PRKAR2A: variants seen among roughly 807,000 people sequenced by gnomAD.
The protein encoded by PRKAR2A is protein kinase cAMP-dependent type II regulatory subunit alpha, also known as cAMP-dependent protein kinase type II-alpha regulatory subunit.
PRKAR2A carries 29 observed loss-of-function variants against 51.9 expected under a neutral mutation model. That is an observed-to-expected ratio of 0.56 (90% CI 0.42 to 0.76). The LOEUF (loss-of-function observed/expected upper bound fraction) is 0.76, where lower values mean the gene tolerates loss of function less well. Among genes scored for constraint, PRKAR2A ranks in the 30% least tolerant of loss-of-function variants. PRKAR2A has a pLI of 0.00. For synonymous variants in PRKAR2A, 178 were observed against 186.2 expected (o/e 0.96, Z 0.36); for missense variants, 445 against 512.1 (o/e 0.87, Z 1.26).
intron 1 of PRKAR2A, among the ~76,000 whole-genome samples, chr3:48,833,952 G>A (rs1323462598): frequency 2.0e-5 from 3 of 149,920 alleles, no homozygotes; most frequent in South Asian, 2.1e-4. Context: ...CAGCAGAATC[G>A]CTTGAACCCG....
At chr3:48,845,058 A>G (rs1035097919) in intron 1 of PRKAR2A, among the ~76,000 whole-genome samples, 4 of 152,196 alleles carry the variant, frequency 2.6e-5, no homozygotes, top group Admixed American at 2.0e-4. Context: ...GTAAATAAAA[A>G]TTGTCTCAAA....
chr3:48,780,834 G>C (rs1270279101), intron 5 of PRKAR2A, among the ~76,000 whole-genome samples: 1 of 152,114 alleles, frequency 6.6e-6, no homozygotes, highest in African/African-American at 2.4e-5. Context: ...GCATACATTA[G>C]ATGTAGTATT....
At chr3:48,843,517 C>T (rs1161708300) in intron 1 of PRKAR2A, among the ~76,000 whole-genome samples, 3 of 151,932 alleles carry the variant, frequency 2.0e-5, no homozygotes, top group Non-Finnish European at 4.4e-5. Context: ...AAAAAGAGCC[C>T]GCATCGCCAA....
At chr3:48,769,707 C>T (rs548995207) in intron 6 of PRKAR2A, among the ~76,000 whole-genome samples, 1 of 152,140 alleles carries the variant, frequency 6.6e-6, no homozygotes, top group East Asian at 1.9e-4. Context: ...CAACTCCTGA[C>T]CTCAGGTGAT....
chr3:48,805,322 A>C (rs1380279148), intron 2 of PRKAR2A, among the ~76,000 whole-genome samples: 1 of 152,206 alleles, frequency 6.6e-6, no homozygotes, highest in Non-Finnish European at 1.5e-5. Context: ...TGTTACAAGG[A>C]AGGTAGAAGA....
chr3:48,774,168 C>CGTACGCCATA (rs1448770013), intron 5 of PRKAR2A, among the ~76,000 whole-genome samples: 2 of 151,918 alleles, frequency 1.3e-5, no homozygotes, highest in Non-Finnish European at 2.9e-5. Context: ...TAATATTTTA[C>CGTACGCCATA]ATAATTTATG....
intron 2 of PRKAR2A, among the ~76,000 whole-genome samples, chr3:48,796,231 T>C (rs777290817): frequency 6.6e-6 from 1 of 152,196 alleles, no homozygotes; most frequent in Non-Finnish European, 1.5e-5. Flanking sequence ...CCACCCTTCC[T>C]CTGCATAATG....
chr3:48,795,978 A>C (rs1559625986), intron 2 of PRKAR2A, among the ~76,000 whole-genome samples: 1 of 152,214 alleles, frequency 6.6e-6, no homozygotes, highest in African/African-American at 2.4e-5. Context: ...TCATTATTTT[A>C]AAATCTCACC....
chr3:48,776,553 CAG>C (rs1479194040), intron 5 of PRKAR2A, among the ~76,000 whole-genome samples: 1 of 151,792 alleles, frequency 6.6e-6, no homozygotes, highest in African/African-American at 2.4e-5. Flanking sequence ...ATAATAATGA[CAG>C]AGTATGGCTG....
rs982588029 is a variant in PRKAR2A, at chr3:48,789,962, C to T, written c.435+582G>A. On this transcript the variant is annotated intron_variant, in intron 4 of 10. Coordinates refer to ENST00000265563, the MANE Select transcript of PRKAR2A (RefSeq NM_004157.4). ...CTCTCTCTCTTTCTTCCTTTCTTTC[C>T]TTAAGTTTCTCTCATCTTTTCACTT... Among the ~76,000 whole-genome samples the T allele has an allele frequency of 1.8e-4, 27 of 148,484 alleles. No homozygotes were observed. In the Admixed American group the frequency reaches 1.9e-3, roughly 10 times the overall value.
chr3:48,825,486 C>A (rs978785692), intron 1 of PRKAR2A, among the ~76,000 whole-genome samples: 1 of 151,912 alleles, frequency 6.6e-6, no homozygotes, highest in Non-Finnish European at 1.5e-5. Context: ...AGACATTAAA[C>A]GTAAATGATT....
At chr3:48,824,602 AAAG>A (rs869199995) in intron 1 of PRKAR2A, among the ~76,000 whole-genome samples, 1 of 137,922 alleles carries the variant, frequency 7.3e-6, no homozygotes. Flanking sequence ...AGAAAGAAAG[AAAG>A]AACCCTGCAC....
At chr3:48,784,975 G>A (rs1363480532) in intron 4 of PRKAR2A, among the ~76,000 whole-genome samples, 1 of 152,138 alleles carries the variant, frequency 6.6e-6, no homozygotes, top group African/African-American at 2.4e-5. Context: ...AAGCTATACA[G>A]AACTTTACTG....
chr3:48,756,466 G>T, intron 8 of PRKAR2A, 22 bp from the exon 9 acceptor site: 1 of 1,587,776 alleles, frequency 6.3e-7, no homozygotes, highest in Non-Finnish European at 8.6e-7. Flanking sequence ...GAGAGGTCAG[G>T]TCAGAGCCAT....
In PRKAR2A at chr3:48,765,069, G is replaced by C. The variant is rs199701451; in HGVS notation, c.808C>G (p.Arg270Gly). 1.7e-5 allele frequency: 28 copies of C among 1,613,920 alleles called. No homozygotes were observed. Among genetic ancestry groups the C allele is most frequent in the Non-Finnish European group, 2.3e-5 (27 of 1,179,918 alleles). ...CCTATTACATCCACAATCTTCATTC[G>C]TTCTGACACCTGAAACAACAAATTC... ...PLLKSLEVSERMKIVDVIGEK... is the reference protein window; with the variant it reads ...PLLKSLEVSEGMKIVDVIGEK... Residue 270 changes from arginine (R) to glycine (G), a missense_variant, in exon 8 of 11, where the codon CGA (arginine) becomes GGA (glycine). By Grantham distance (125) the Arg-to-Gly change is moderately radical. Transcript: ENST00000265563.
At chr3:48,809,033 G>A (rs1407945728) in intron 1 of PRKAR2A, among the ~76,000 whole-genome samples, 1 of 151,318 alleles carries the variant, frequency 6.6e-6, no homozygotes, top group Non-Finnish European at 1.5e-5. Flanking sequence ...CACCCACCTT[G>A]GCCTCCCAAA....
chr3:48,760,512 C>T (rs188666817), intron 8 of PRKAR2A, among the ~76,000 whole-genome samples: 4 of 151,798 alleles, frequency 2.6e-5, no homozygotes, highest in African/African-American at 9.7e-5. Flanking sequence ...CCTGTCTCTA[C>T]AAAAAATTTA....
chr3:48,764,439 T>C (rs2081908309), intron 8 of PRKAR2A, among the ~76,000 whole-genome samples: 1 of 152,024 alleles, frequency 6.6e-6, no homozygotes, highest in Non-Finnish European at 1.5e-5. Flanking sequence ...GAAACTTACT[T>C]AAGGTCAAAA....
chr3:48,751,747 G>C (rs527974069), intron 10 of PRKAR2A, 29 bp from the exon 11 acceptor site: 1 of 1,586,656 alleles, frequency 6.3e-7, no homozygotes, highest in East Asian at 2.3e-5. Flanking sequence ...GTGAGGGAGA[G>C]AATGAATTCA....
Sources: allele counts gnomAD v4.1 joint callset (sites outside exome capture counted in the v4.1 genomes callset), GRCh38; gene constraint gnomAD v4.1.1; transcripts MANE v1.5; gene names NCBI Gene and HGNC (gene_info 2026-07-23, HGNC 2026-07-21).